The following REXO4 variants were observed in gnomAD, a reference collection of about 807,000 sequenced individuals.
REXO4 encodes REX4 homolog, 3'-5' exonuclease.
REXO4 carries 29 observed loss-of-function variants against 39.9 expected under a neutral mutation model. The ratio of observed to expected loss-of-function variants is 0.73; its 90% confidence interval spans 0.54 to 0.99. The LOEUF is 0.99. REXO4 is among the 50% of genes least tolerant of loss of function. The pLI, the probability that REXO4 is intolerant of heterozygous loss-of-function variation, is 0.00. For missense variants in REXO4, 524 were observed against 546.5 expected, an observed-to-expected ratio of 0.96 and a Z score of 0.41; for synonymous variants, 184 against 206.2, an observed-to-expected ratio of 0.89 and a Z score of 0.92.
intron 2 of REXO4, 42 bp from the exon 3 acceptor site, chr9:133,412,963 G>A (rs782060638): frequency 1.1e-5 from 17 of 1,601,630 alleles, no homozygotes; most frequent in Non-Finnish European, 1.4e-5. Flanking sequence ...GAAGACCCTA[G>A]TGCAACTGGT....
Position 133,407,866 on chromosome 9 carries a change from G to A in REXO4, c.1090C>T (p.Leu364=). 1 of 1,613,860 alleles carries A rather than the reference G, an allele frequency of 6.2e-7. No individual in the cohort carries two copies. The highest frequency in any genetic ancestry group is 8.5e-7 in the Non-Finnish European group (1 of 1,179,948). ...KSQVKSGRPS[L]RLLSEKILGL... The stretch of plus-strand genomic sequence containing the variant: ...AGGATCTTCTCTGAAAGTAGTCTCA[G>A]AGACGGCCTTCCACTCTGCAAAGGG... Residue 364 remains leucine, a synonymous_variant, in exon 7 of 8, where the codon CTG becomes TTG. Coordinates refer to ENST00000371942, the MANE Select transcript of REXO4 (RefSeq NM_020385.4).
In REXO4 at chr9:133,407,880, C is replaced by G; in HGVS notation, c.1076G>C (p.Ser359Thr). The change falls in exon 7 of 8, where the codon AGT becomes ACT. Residue 359 changes from serine to threonine, a missense_variant and splice_region_variant. By Grantham distance (58) the Ser-to-Thr change is moderately conservative. Coordinates refer to ENST00000371942, the MANE Select transcript of REXO4 (RefSeq NM_020385.4). ...KYKPFKSQVK[S>T]GRPSLRLLSE... ...AAGTAGTCTCAGAGACGGCCTTCCA[C>G]TCTGCAAAGGGGGAAGAGGCGGGTG... 1 of 1,613,494 alleles carries G rather than the reference C, an allele frequency of 6.2e-7. No homozygotes were observed. Among genetic ancestry groups the G allele is most frequent in the Non-Finnish European group, 8.5e-7 (1 of 1,179,768 alleles).
At chr9:133,415,090 T>C in intron 1 of REXO4, 79 bp from the exon 2 acceptor site, 1 of 1,133,310 alleles carries the variant, frequency 8.8e-7, no homozygotes, top group Non-Finnish European at 1.3e-6. Context: ...TACGTGTGTA[T>C]GTATATACAC....
chr9:133,414,629 G>C, intron 2 of REXO4, 36 bp downstream of exon 2: 3 of 1,593,920 alleles, frequency 1.9e-6, no homozygotes, highest in Non-Finnish European at 2.6e-6. Flanking sequence ...AAGTCGCTGT[G>C]CCTCGGTTCT....
rs781901365 is a variant in REXO4, at chr9:133,407,040, G to C, written c.1182C>G (p.Tyr394Ter). 1.2e-5 allele frequency: 19 copies of C among 1,613,206 alleles called. No individual in the cohort carries two copies. In the Admixed American group the frequency reaches 2.8e-4, roughly 24 times the overall value. Residue 394 changes from tyrosine to a stop codon, truncating the protein, a stop_gained, in exon 8 of 8, where the codon TAC becomes TAG. Transcript: ENST00000371942. LOFTEE classifies it low-confidence loss of function (END_TRUNC). ...TCTCCCACTCCTTCTTCACCATGACGTACAGCCTCATTGCTGCCTGGGCAT... is the reference window on the plus strand; with the variant it reads ...TCTCCCACTCCTTCTTCACCATGACCTACAGCCTCATTGCTGCCTGGGCAT... The part of the protein sequence containing the change: ...IQDAQAAMRL[Y>*]VMVKKEWESM...
chr9:133,408,907 C>G (rs1052785501), intron 5 of REXO4, 65 bp from the exon 6 acceptor site: 24 of 927,162 alleles, frequency 2.6e-5, no homozygotes, highest in Non-Finnish European at 3.8e-5. Context: ...AACCCCCTCC[C>G]CCCGCCACCT....
chr9:133,407,033 C>T lies in REXO4; in HGVS notation c.1189G>A (p.Val397Met), dbSNP rs782744818. The change falls in exon 8 of 8, where the codon GTG becomes ATG. Residue 397 changes from valine (V) to methionine (M), a missense_variant. Val to Met is a conservative substitution (Grantham distance 21). Transcript: ENST00000371942. ...AQAAMRLYVM[V>M]KKEWESMARD... ...GCCATGCTCTCCCACTCCTTCTTCA[C>T]CATGACGTACAGCCTCATTGCTGCC... is the stretch of plus-strand genomic sequence containing the variant. 6 of 1,613,430 alleles carry T rather than the reference C, an allele frequency of 3.7e-6. No individual in the cohort carries two copies. The highest frequency in any genetic ancestry group is 4.2e-6 in the Non-Finnish European group (5 of 1,180,032).
At position 133,406,330 on chromosome 9, in the gene REXO4, G is replaced by C. The variant is rs1554778772; in HGVS notation, c.*623C>G. The C allele has an allele frequency of 1.3e-5, 2 of 152,580 alleles. No homozygotes were observed. Among genetic ancestry groups the C allele is most frequent in the Non-Finnish European group, 2.9e-5 (2 of 68,268 alleles). 9.5% of individuals were successfully genotyped at this position (152,580 alleles called of 1,614,324 possible). A position where few individuals can be genotyped will look rare whatever the true frequency, so the allele number is the denominator to read the frequency against. ...GGAATAACCGCAGTCACCGTGCCCA[G>C]GCAACACATCCTCGTGCTATGGGGA... is the stretch of plus-strand genomic sequence containing the variant. On this transcript the variant is annotated 3_prime_UTR_variant, in exon 8 of 8. Coordinates refer to ENST00000371942, the MANE Select transcript of REXO4 (RefSeq NM_020385.4).
rs58386736 is a variant in REXO4, at chr9:133,406,428, G to A, written c.*525C>T. 7,241 of 155,088 alleles carry A rather than the reference G, an allele frequency of 0.047. 558 individuals carry two copies. Among genetic ancestry groups the A allele is most frequent in the African/African-American group, 0.16 (6,707 of 41,564 alleles). 9.6% of individuals were successfully genotyped at this position (155,088 alleles called of 1,614,324 possible). ...TTAGATAAATGCTCAAAGTTCAAAC[G>A]GCCACAGGAAACCCCTGATGTAACA... On this transcript the variant is annotated 3_prime_UTR_variant, in exon 8 of 8. Transcript: ENST00000371942.
At chr9:133,409,469 A>G (rs1554779692) in intron 5 of REXO4, among the ~76,000 whole-genome samples, 2 of 152,182 alleles carry the variant, frequency 1.3e-5, no homozygotes, top group Admixed American at 6.5e-5. Context: ...ACTTATTCCT[A>G]TATTATACTT....
chr9:133,414,905 G>A lies in REXO4; in HGVS notation c.332C>T (p.Ser111Leu), dbSNP rs141547732. 9,684 of 1,614,062 alleles carry A rather than the reference G, an allele frequency of 6.0e-3. 39 individuals carry two copies. The highest frequency in any genetic ancestry group is 7.1e-3 in the Admixed American group (427 of 60,002). Residue 111 changes from serine (S) to leucine (L), a missense_variant, in exon 2 of 8, where the codon TCG (serine) becomes TTG (leucine). Transcript: ENST00000371942. ...CATCTCCTCTCCCTTCACTTGAGGC[G>A]AGGTCTCTTTTTTGTTTTGCTGGAT... ...KIIQQNKKETSPQVKGEEMPA... is the reference protein window; with the variant it reads ...KIIQQNKKETLPQVKGEEMPA...
Position 133,414,795 on chromosome 9 carries a change from T to C in REXO4, c.442A>G (p.Lys148Glu). ...TTATTGTGCTCTGTTCCACTGGCCTTGGTGCGAGGTACTGGCGCCCTCCTG... is the reference window on the plus strand; with the variant it reads ...TTATTGTGCTCTGTTCCACTGGCCTCGGTGCGAGGTACTGGCGCCCTCCTG... ...MDRRAPVPRT[K>E]ASGTEHNKKG... The change falls in exon 2 of 8, where the codon AAG becomes GAG. Residue 148 changes from lysine to glutamate, a missense_variant. Transcript: ENST00000371942. 6.2e-7 allele frequency: 1 copy of C among 1,614,194 alleles called. No individual in the cohort carries two copies. Among genetic ancestry groups the C allele is most frequent in the Non-Finnish European group, 8.5e-7 (1 of 1,180,032 alleles).
chr9:133,406,982 C>G lies in REXO4; in HGVS notation c.1240G>C (p.Ala414Pro). Residue 414 changes from alanine to proline, a missense_variant, in exon 8 of 8, where the codon GCT becomes CCT. Physicochemically the swap from Ala to Pro is conservative, Grantham distance 27. Transcript: ENST00000371942. ...MARDRRPLLT[A>P]PDHCSDDA ...GCGTCGTCACTGCAGTGGTCTGGAG[C>G]AGTCAGCAGGGGGCGCCTGTCTCGG... 1 of 1,612,488 alleles carries G rather than the reference C, an allele frequency of 6.2e-7. No homozygotes were observed. The highest frequency in any genetic ancestry group is 8.5e-7 in the Non-Finnish European group (1 of 1,180,006).
chr9:133,408,753 ACTCATT>A lies in REXO4; in HGVS notation c.1074+9_1074+14del. ...ACAGAAATACAGTATCTTGAGTCAC[ACTCATT>A]CTAAGTACCTTTACTTGACTCTTGA... On this transcript the variant is annotated intron_variant, in intron 6 of 7. Transcript: ENST00000371942. The A allele has an allele frequency of 6.5e-7, 1 of 1,546,362 alleles. No homozygotes were observed.
chr9:133,412,965 G>A, intron 2 of REXO4, 44 bp from the exon 3 acceptor site: 1 of 1,600,002 alleles, frequency 6.2e-7, no homozygotes, highest in Non-Finnish European at 8.5e-7. Context: ...AGACCCTAGT[G>A]CAACTGGTGG....
chr9:133,416,094 A>G (rs1839581237), intron 1 of REXO4, among the ~76,000 whole-genome samples: 4 of 152,248 alleles, frequency 2.6e-5, no homozygotes, highest in African/African-American at 9.6e-5. Flanking sequence ...CAGGTTGTAC[A>G]AGAAGCATGG....
chr9:133,417,086 C>T (rs1554781762), intron 1 of REXO4, among the ~76,000 whole-genome samples: 1 of 152,256 alleles, frequency 6.6e-6, no homozygotes, highest in African/African-American at 2.4e-5. Flanking sequence ...TTTCGGCTTA[C>T]TACTGCCTCT....
intron 6 of REXO4, 82 bp downstream of exon 6, chr9:133,408,686 A>G: frequency 2.2e-6 from 2 of 930,182 alleles, no homozygotes; most frequent in South Asian, 2.9e-5. Flanking sequence ...TTAACCAACA[A>G]GTCAGCCACC....
Position 133,417,669 on chromosome 9 carries a change from G to T in REXO4, c.176C>A (p.Pro59His). 2 of 1,614,098 alleles carry T rather than the reference G, an allele frequency of 1.2e-6. No individual in the cohort carries two copies. Among genetic ancestry groups the T allele is most frequent in the South Asian group, 2.2e-5 (2 of 91,080 alleles). ...PASGPGAVVR[P>H]PKAPEDFSQN... ...AGAAAAGTCTTCTGGTGCCTTTGGA[G>T]GTCGCACCACAGCACCGGGGCCGCT... The change falls in exon 1 of 8, where the codon CCT becomes CAT. Residue 59 changes from proline to histidine, a missense_variant. By Grantham distance (77) the Pro-to-His change is moderately conservative. Transcript: ENST00000371942.
Sources: allele counts gnomAD v4.1 joint callset (sites outside exome capture counted in the v4.1 genomes callset), GRCh38; gene constraint gnomAD v4.1.1; transcripts MANE v1.5; gene names NCBI Gene and HGNC (gene_info 2026-07-23, HGNC 2026-07-21).